Variants in BRSK1 observed in about 807,000 individuals in gnomAD.
BRSK1 encodes BR serine/threonine kinase 1.
A neutral mutation model predicts 86.2 loss-of-function variants in BRSK1; 17 were observed. The ratio of observed to expected loss-of-function variants is 0.20; its 90% CI spans 0.14 to 0.30. The LOEUF is 0.30. Ranked by LOEUF, BRSK1 falls within the 10% of genes least tolerant of loss-of-function variation. BRSK1 has a pLI of 1.00. For missense variants in BRSK1, 719 were observed against 1,071.9 expected, an observed-to-expected ratio of 0.67 and a Z score of 4.60; for synonymous variants, 464 against 440.1, an observed-to-expected ratio of 1.05 and a Z score of -0.68.
chr19:55,287,375 G>C lies in BRSK1; in HGVS notation c.317+76G>C. The C allele has an allele frequency of 2.1e-6, 3 of 1,400,982 alleles. 1 individual carries two copies. The South Asian group carries it at 3.5e-5, about 16-fold the overall frequency. The allele number at this position is 1,400,982 out of a possible 1,614,324, so 86.8% of individuals were successfully genotyped here. A position where few individuals can be genotyped will look rare whatever the true frequency, so the allele number is the denominator to read the frequency against. On this transcript the variant is annotated intron_variant, in intron 3 of 18. Transcript: ENST00000309383. This position sits in a 1 kb window ranked among gnomAD's most constrained non-coding sequence, Gnocchi z 5.3. ...CCAGGGTGGGACTTCTCCAGAAACA[G>C]GGCCTAGGGGGACCTGGGGGACCTG...
At position 55,311,633 on chromosome 19, in the gene BRSK1, C is replaced by T. The variant is rs560142710; in HGVS notation, c.2180-278C>T. ...TCTGAGAGTCTCCTAAAGTCAGGCC[C>T]GGCCCAGGCCCCCTTGGACTAACCT... On this transcript the variant is annotated intron_variant, in intron 18 of 18. Coordinates refer to ENST00000309383, the MANE Select transcript of BRSK1 (RefSeq NM_032430.2). Among the ~76,000 whole-genome samples the T allele has an allele frequency of 1.1e-4, 16 of 152,310 alleles. 1 individual carries two copies. Among genetic ancestry groups the T allele is most frequent in the South Asian group, 8.3e-4 (4 of 4,832 alleles).
intron 4 of BRSK1, 134 bp downstream of exon 4, chr19:55,289,754 C>T: frequency 1.7e-6 from 2 of 1,183,222 alleles, no homozygotes; most frequent in Non-Finnish European, 2.3e-6. Context: ...ATAACTCATA[C>T]ACCAGAAAAT....
chr19:55,311,414 A>C (rs2088791289), intron 18 of BRSK1, among the ~76,000 whole-genome samples: 1 of 152,102 alleles, frequency 6.6e-6, no homozygotes, highest in Non-Finnish European at 1.5e-5. Flanking sequence ...GGAGACAGTG[A>C]CCTGAGTCAG....
chr19:55,294,168 G>A lies in BRSK1; in HGVS notation c.575+35G>A. ...GACTGGGCTCCCGAGACCCTGGGCAGGGGTTTAGAAGCTGGCTGGAGGCTC... is the reference window on the plus strand; with the variant it reads ...GACTGGGCTCCCGAGACCCTGGGCAAGGGTTTAGAAGCTGGCTGGAGGCTC... On this transcript the variant is annotated intron_variant, in intron 5 of 18. Transcript: ENST00000309383. The surrounding 1 kb of genome is among the most constrained non-coding windows in gnomAD (Gnocchi z 4.9). 6.2e-7 allele frequency: 1 copy of A among 1,611,566 alleles called. No homozygotes were observed. Among genetic ancestry groups the A allele is most frequent in the Non-Finnish European group, 8.5e-7 (1 of 1,178,104 alleles).
At chr19:55,293,865 A>G in intron 4 of BRSK1, 152 bp from the exon 5 acceptor site, 1 of 568,554 alleles carries the variant, frequency 1.8e-6, no homozygotes, top group Non-Finnish European at 3.0e-6. Flanking sequence ...AAAATTTTTA[A>G]AAAGACCAAA....
At position 55,303,845 on chromosome 19, in the gene BRSK1, C is replaced by A; in HGVS notation, c.1286+19C>A. The A allele has an allele frequency of 6.5e-7, 1 of 1,547,418 alleles. No individual in the cohort carries two copies. Reference sequence around the variant, plus strand: ...GCCAGAGGTGGGAGCCCCTGTCCCTCCAGGAGGATCCACAATCCCTGGGTC... The same window carrying A: ...GCCAGAGGTGGGAGCCCCTGTCCCTACAGGAGGATCCACAATCCCTGGGTC... On this transcript the variant is annotated intron_variant, in intron 12 of 18. Transcript: ENST00000309383. The surrounding 1 kb of genome is among the most constrained non-coding windows in gnomAD (Gnocchi z 5.1).
At position 55,289,467 on chromosome 19, in the gene BRSK1, C is replaced by T; in HGVS notation, c.318-13C>T. The T allele has an allele frequency of 1.9e-6, 3 of 1,609,610 alleles. No individual in the cohort carries two copies. The highest frequency in any genetic ancestry group is 2.2e-5 in the East Asian group (1 of 44,794). ...TGCCCCTTCCAGCCCTCTGCCCCCT[C>T]TATATCCTTTAGGTACCTGGTTCTG... On this transcript the variant is annotated splice_polypyrimidine_tract_variant and intron_variant, in intron 3 of 18. Transcript: ENST00000309383.
intron 1 of BRSK1, among the ~76,000 whole-genome samples, chr19:55,285,999 G>A: frequency 6.9e-6 from 1 of 145,750 alleles, no homozygotes; most frequent in Non-Finnish European, 1.5e-5. Flanking sequence ...GAGGGAGGAG[G>A]AACTGGGGGT....
intron 8 of BRSK1, among the ~76,000 whole-genome samples, chr19:55,301,904 T>A (rs2088575277): frequency 6.6e-6 from 1 of 152,126 alleles, no homozygotes; most frequent in Admixed American, 6.5e-5. Flanking sequence ...GCGAACAGGA[T>A]GCCACTGCGC....
Position 55,305,039 on chromosome 19 carries a change from C to T in BRSK1, c.1717+119C>T, listed in dbSNP as rs559215874. On this transcript the variant is annotated intron_variant, in intron 14 of 18. Coordinates refer to ENST00000309383, the MANE Select transcript of BRSK1 (RefSeq NM_032430.2). ...AAGGGACTGGGGGCCTGGATTCCCA[C>T]GTTCTAGAGAAGAGGGGGTTTGAAG... 40 of 1,445,344 alleles carry T rather than the reference C, an allele frequency of 2.8e-5. No individual in the cohort carries two copies. In the African/African-American group the frequency reaches 2.8e-4, roughly 10 times the overall value. 89.5% of individuals were successfully genotyped at this position (1,445,344 alleles called of 1,614,324 possible). A position where few individuals can be genotyped will look rare whatever the true frequency, so the allele number is the denominator to read the frequency against.
At position 55,311,263 on chromosome 19, in the gene BRSK1, A is replaced by G. The variant is rs552041104; in HGVS notation, c.2180-648A>G. Among the ~76,000 whole-genome samples, 227 of 152,184 alleles carry G rather than the reference A, an allele frequency of 1.5e-3. 1 individual carries two copies. Among genetic ancestry groups the G allele is most frequent in the Admixed American group, 3.9e-3 (60 of 15,286 alleles). On this transcript the variant is annotated intron_variant, in intron 18 of 18. Transcript: ENST00000309383. The stretch of plus-strand genomic sequence containing the variant: ...AGGCATGAGCCACTGCGCCCGGCCC[A>G]CTCAGTTTCTCTTAAAAGAAAAACG...
intron 7 of BRSK1, 62 bp from the exon 8 acceptor site, chr19:55,301,450 C>T: frequency 6.4e-7 from 1 of 1,572,174 alleles, no homozygotes; most frequent in Non-Finnish European, 8.6e-7. Context: ...AGTTCCCCAC[C>T]TCCAGTGCTT....
chr19:55,286,875 T>G, intron 1 of BRSK1, 132 bp from the exon 2 acceptor site: 3 of 752,630 alleles, frequency 4.0e-6, no homozygotes, highest in Non-Finnish European at 6.8e-6. Context: ...AGTTCAGGTC[T>G]GATGTGTTCA....
Position 55,284,492 on chromosome 19 carries a change from T to TCCCCCCCCCCCCCCC in BRSK1, c.55_56insCCCCCCCCCCCCCCC (p.Pro18_His19insProProProProPro). ...GGTGGGGGCTCTCCCGCCTACCACC[T>TCCCCCCCCCCCCCCC]CCCCCACCCCCACCCCCACCCACCC... On this transcript the variant is annotated inframe_insertion, in exon 1 of 19. Transcript: ENST00000309383. 1 of 776,248 alleles carries TCCCCCCCCCCCCCCC rather than the reference T, an allele frequency of 1.3e-6. No individual in the cohort carries two copies. The highest frequency in any genetic ancestry group is 1.8e-6 in the Non-Finnish European group (1 of 546,158). The allele number at this position is 776,248 out of a possible 1,614,324, so 48.1% of individuals were successfully genotyped here. A position where few individuals can be genotyped will look rare whatever the true frequency, so the allele number is the denominator to read the frequency against.
chr19:55,291,345 C>T (rs1396929103), intron 4 of BRSK1, among the ~76,000 whole-genome samples: 1 of 150,866 alleles, frequency 6.6e-6, no homozygotes, highest in African/African-American at 2.5e-5. Flanking sequence ...TCGAGACCAG[C>T]CTGGGCAACA....
chr19:55,284,038 C>CG lies in BRSK1; in HGVS notation c.-399dup, dbSNP rs528022078. On this transcript the variant is annotated 5_prime_UTR_variant, in exon 1 of 19. It removes the in-frame stop codon of an upstream open reading frame in the 5' UTR. Coordinates refer to ENST00000309383, the MANE Select transcript of BRSK1 (RefSeq NM_032430.2). Reference sequence around the variant, plus strand: ...GTGCCGGAGAGAAAGGACGAGGTGGCGGGGGGAGGCGGAGAGGAGGAGGAG... The same window carrying CG: ...GTGCCGGAGAGAAAGGACGAGGTGGCGGGGGGGAGGCGGAGAGGAGGAGGAG... The CG allele has an allele frequency of 5.2e-4, 560 of 1,082,824 alleles. 3 individuals are homozygous for CG. In the South Asian group the frequency reaches 7.3e-3, roughly 14 times the overall value. 67.1% of individuals were successfully genotyped at this position (1,082,824 alleles called of 1,614,324 possible).
chr19:55,301,827 T>A (rs2088573319), intron 8 of BRSK1, among the ~76,000 whole-genome samples, 169 bp downstream of exon 8: 1 of 151,732 alleles, frequency 6.6e-6, no homozygotes, highest in African/African-American at 2.4e-5. Context: ...CGCTCCAAAC[T>A]GGGGAGGGGG....
rs1368513023 is a variant in BRSK1, at chr19:55,294,701, C to T, written c.678+304C>T. Among the ~76,000 whole-genome samples, 1 of 152,106 alleles carries T rather than the reference C, an allele frequency of 6.6e-6. No individual in the cohort carries two copies. The highest frequency in any genetic ancestry group is 1.5e-5 in the Non-Finnish European group (1 of 68,014). On this transcript the variant is annotated intron_variant, in intron 7 of 18. Coordinates refer to ENST00000309383, the MANE Select transcript of BRSK1 (RefSeq NM_032430.2). This position sits in a 1 kb window ranked among gnomAD's most constrained non-coding sequence, Gnocchi z 4.9. ...ATTTTTAGTAGAGACAGGGTTTCGC[C>T]ATATTGGCCAGGCTGGTCTCCAACT...
Position 55,287,211 on chromosome 19 carries a change from C to T in BRSK1, c.232-3C>T. On this transcript the variant is annotated splice_polypyrimidine_tract_variant and splice_region_variant and intron_variant, in intron 2 of 18. Coordinates refer to ENST00000309383, the MANE Select transcript of BRSK1 (RefSeq NM_032430.2). This position sits in a 1 kb window ranked among gnomAD's most constrained non-coding sequence, Gnocchi z 5.3. ...CCGTGTCCCCACCCCTCTTGACCCT[C>T]AGGTGGAGCGGGAGATCGCCATCCT... The T allele has an allele frequency of 2.5e-6, 4 of 1,614,068 alleles. No homozygotes were observed. The highest frequency in any genetic ancestry group is 3.4e-6 in the Non-Finnish European group (4 of 1,179,970).
Sources: allele counts gnomAD v4.1 joint callset (sites outside exome capture counted in the v4.1 genomes callset), GRCh38; gene constraint gnomAD v4.1.1; non-coding constraint Gnocchi (gnomAD v3.1); transcripts MANE v1.5; gene names NCBI Gene and HGNC (gene_info 2026-07-23, HGNC 2026-07-21).